Variants in EDIL3 observed in about 807,000 individuals in gnomAD.
EDIL3 encodes EGF like and discoidin domains 3.
EDIL3 carries 37 observed loss-of-function variants against 67.4 expected under a neutral mutation model. The ratio of observed to expected loss-of-function variants is 0.55; its 90% confidence interval spans 0.42 to 0.72. EDIL3 has a LOEUF of 0.72. Ranked by LOEUF, EDIL3 falls within the 30% of genes least tolerant of loss-of-function variation. EDIL3 has a pLI of 0.00. For synonymous variants in EDIL3, 195 were observed against 196.3 expected (o/e 0.99, Z 0.05); for missense variants, 527 against 586.3 (o/e 0.90, Z 1.04).
intron 1 of EDIL3, among the ~76,000 whole-genome samples, chr5:84,374,849 TG>T (rs1287636323): frequency 6.6e-6 from 1 of 152,192 alleles, no homozygotes; most frequent in African/African-American, 2.4e-5. Flanking sequence ...AGAAGGTCCT[TG>T]CTTCCCCTTC....
chr5:84,051,210 A>G (rs7702509), intron 9 of EDIL3, among the ~76,000 whole-genome samples: 46,808 of 152,126 alleles, frequency 0.31, 7,338 homozygotes, highest in African/African-American at 0.36. Context: ...CAGGGTCTGG[A>G]GCAGACCTCC....
At chr5:84,069,079 C>T (rs1420654735) in intron 6 of EDIL3, among the ~76,000 whole-genome samples, 1 of 152,088 alleles carries the variant, frequency 6.6e-6, no homozygotes, top group Non-Finnish European at 1.5e-5. Flanking sequence ...TGTAAAAGGT[C>T]TATTGAGGAT....
chr5:84,375,509 A>G (rs932984621), intron 1 of EDIL3, among the ~76,000 whole-genome samples: 1 of 152,204 alleles, frequency 6.6e-6, no homozygotes, highest in African/African-American at 2.4e-5. Context: ...ATAAAATTAA[A>G]TGAGGATGAG....
At chr5:83,962,068 G>A (rs552511155) in intron 10 of EDIL3, among the ~76,000 whole-genome samples, 28 of 151,446 alleles carry the variant, frequency 1.8e-4, no homozygotes, top group Admixed American at 1.4e-3. Flanking sequence ...AATAAATTTT[G>A]TGTGAACTAA....
chr5:84,353,443 T>C (rs1365729925), intron 1 of EDIL3, among the ~76,000 whole-genome samples: 2 of 152,228 alleles, frequency 1.3e-5, no homozygotes, highest in Non-Finnish European at 2.9e-5. Context: ...AGATAGATAC[T>C]ACCCAAAGAT....
intron 3 of EDIL3, among the ~76,000 whole-genome samples, chr5:84,183,553 G>GA (rs1166662006): frequency 2.0e-5 from 3 of 152,002 alleles, no homozygotes; most frequent in African/African-American, 7.3e-5. Context: ...TGCAGGTGAG[G>GA]AAAAAAACCA....
intron 3 of EDIL3, among the ~76,000 whole-genome samples, chr5:84,180,893 ATAT>A (rs1014854177): frequency 2.4e-4 from 36 of 152,312 alleles, no homozygotes; most frequent in Non-Finnish European, 3.8e-4. Flanking sequence ...ATTAAATTAG[ATAT>A]TATTAAAATT....
intron 6 of EDIL3, among the ~76,000 whole-genome samples, chr5:84,103,071 C>A (rs1014810687): frequency 2.0e-5 from 3 of 152,004 alleles, no homozygotes; most frequent in African/African-American, 7.2e-5. Context: ...GGTTGCACAC[C>A]TACAACCATC....
At chr5:84,120,666 C>T (rs1271709701) in intron 5 of EDIL3, among the ~76,000 whole-genome samples, 1 of 151,876 alleles carries the variant, frequency 6.6e-6, no homozygotes, top group Admixed American at 6.6e-5. Flanking sequence ...TTGAGTATAT[C>T]CAAATATCAT....
chr5:84,311,862 G>C (rs1399066106), intron 1 of EDIL3, among the ~76,000 whole-genome samples: 5 of 152,164 alleles, frequency 3.3e-5, no homozygotes, highest in Admixed American at 6.5e-5. Flanking sequence ...GTTTCAGAGA[G>C]CACAGGGTTG....
intron 3 of EDIL3, among the ~76,000 whole-genome samples, chr5:84,198,673 C>G (rs983691306): frequency 1.3e-4 from 19 of 151,928 alleles, no homozygotes; most frequent in African/African-American, 4.6e-4. Flanking sequence ...TCTGGAAATA[C>G]TGTGTTAAGA....
At chr5:84,131,132 T>C (rs1747959152) in intron 5 of EDIL3, among the ~76,000 whole-genome samples, 1 of 152,174 alleles carries the variant, frequency 6.6e-6, no homozygotes, top group Non-Finnish European at 1.5e-5. Context: ...AAAAATCCTA[T>C]GTATATATAT....
At chr5:83,948,748 T>C (rs1744357846) in intron 10 of EDIL3, among the ~76,000 whole-genome samples, 1 of 151,810 alleles carries the variant, frequency 6.6e-6, no homozygotes, top group Non-Finnish European at 1.5e-5. Flanking sequence ...CTATAAAAAG[T>C]CTGAAACCAA....
intron 3 of EDIL3, among the ~76,000 whole-genome samples, chr5:84,208,264 A>C (rs1396746237): frequency 6.6e-6 from 1 of 152,212 alleles, no homozygotes; most frequent in Non-Finnish European, 1.5e-5. Flanking sequence ...TCTCAAAAGA[A>C]GACATTTATG....
chr5:84,323,624 G>A (rs944291140), intron 1 of EDIL3, among the ~76,000 whole-genome samples: 1 of 151,828 alleles, frequency 6.6e-6, no homozygotes, highest in Admixed American at 6.6e-5. Flanking sequence ...GCAGGGATTT[G>A]AAGAATGGGT....
intron 7 of EDIL3, 147 bp from the exon 8 acceptor site, chr5:84,064,991 C>T (rs1746612344): frequency 1.9e-6 from 2 of 1,026,330 alleles, no homozygotes; most frequent in Non-Finnish European, 2.6e-6. Flanking sequence ...AAGTGCCTTG[C>T]CATGAGCACT....
intron 4 of EDIL3, among the ~76,000 whole-genome samples, chr5:84,149,763 G>A (rs1170684254): frequency 6.6e-6 from 1 of 151,866 alleles, no homozygotes; most frequent in Non-Finnish European, 1.5e-5. Context: ...ATAGAGATGT[G>A]AAAAAAGAAA....
intron 1 of EDIL3, among the ~76,000 whole-genome samples, chr5:84,340,247 G>T (rs1216232661): frequency 6.7e-6 from 1 of 149,398 alleles, no homozygotes; most frequent in Non-Finnish European, 1.5e-5. Flanking sequence ...TTAACAACAA[G>T]AAAAAAAAAT....
chr5:84,090,079 G>C (rs1014389138), intron 6 of EDIL3, among the ~76,000 whole-genome samples: 3 of 152,090 alleles, frequency 2.0e-5, no homozygotes, highest in African/African-American at 7.2e-5. Flanking sequence ...TTACTATTTA[G>C]TCATAACTTA....
Sources: allele counts gnomAD v4.1 joint callset (sites outside exome capture counted in the v4.1 genomes callset), GRCh38; gene constraint gnomAD v4.1.1; transcripts MANE v1.5; gene names NCBI Gene and HGNC (gene_info 2026-07-23, HGNC 2026-07-21).